NUGGC: variants seen among roughly 807,000 people sequenced by gnomAD.
The protein encoded by NUGGC is nuclear GTPase SLIP-GC.
A neutral mutation model predicts 92.6 loss-of-function variants in NUGGC; 58 were observed. The observed-to-expected ratio is 0.63, with a 90% CI of 0.51 to 0.78. The LOEUF is 0.78. NUGGC is among the 30% of genes least tolerant of loss of function. The pLI is 0.00. For synonymous variants in NUGGC, 376 were observed against 366.4 expected, an observed-to-expected ratio of 1.03 and a Z score of -0.30; for missense variants, 925 against 964.6, an observed-to-expected ratio of 0.96 and a Z score of 0.54.
At position 28,067,654 on chromosome 8, in the gene NUGGC, C is replaced by A; in HGVS notation, c.571G>T (p.Glu191Ter). ...REEADAWNRD[E>*]AVEEATWKLQ... ...TTCCAGGTGGCTTCCTCCACTGCCTCATCCCTGTTCCACGCATCTGCCTCT... is the reference window on the plus strand; with the variant it reads ...TTCCAGGTGGCTTCCTCCACTGCCTAATCCCTGTTCCACGCATCTGCCTCT... Residue 191 changes from glutamate to a stop codon, truncating the protein, a stop_gained, in exon 6 of 19, where the codon GAG becomes TAG. Transcript: ENST00000413272. LOFTEE classifies it high-confidence loss of function. 6.2e-7 allele frequency: 1 copy of A among 1,614,024 alleles called. No homozygotes were observed. The highest frequency in any genetic ancestry group is 8.5e-7 in the Non-Finnish European group (1 of 1,179,850).
At chr8:28,032,167 C>T (rs1022360123) in intron 14 of NUGGC, among the ~76,000 whole-genome samples, 7 of 151,996 alleles carry the variant, frequency 4.6e-5, no homozygotes, top group South Asian at 2.1e-4. Flanking sequence ...GTCTTGAACG[C>T]GTTCTAAGGG....
chr8:28,068,725 A>G lies in NUGGC; in HGVS notation c.258-287T>C, dbSNP rs150973211. Among the ~76,000 whole-genome samples, 102 of 152,150 alleles carry G rather than the reference A, an allele frequency of 6.7e-4. 3 individuals carry two copies. The East Asian group carries it at 0.017, about 26-fold the overall frequency. ...TTTATTTGTATTCACTGGAAATTGC[A>G]TATTCTTTTTTTTGTTTGTTTATGT... On this transcript the variant is annotated intron_variant, in intron 4 of 18. Transcript: ENST00000413272.
chr8:28,060,639 T>C, intron 7 of NUGGC, 38 bp from the exon 8 acceptor site: 3 of 1,580,568 alleles, frequency 1.9e-6, no homozygotes, highest in Non-Finnish European at 2.6e-6. Context: ...AGCACAGGAA[T>C]GGAGTCACAG....
intron 6 of NUGGC, 111 bp from the exon 7 acceptor site, chr8:28,064,842 C>T (rs754458136): frequency 1.5e-5 from 13 of 859,646 alleles, no homozygotes; most frequent in Admixed American, 1.1e-4. Context: ...GTAAGAAGTG[C>T]GTCCAACAGG....
intron 3 of NUGGC, 122 bp downstream of exon 3, chr8:28,070,130 C>T: frequency 2.1e-6 from 3 of 1,448,966 alleles, no homozygotes; most frequent in Non-Finnish European, 1.8e-6. Flanking sequence ...CCCTCTCTTT[C>T]CAAAACAGGT....
Position 28,045,671 on chromosome 8 carries a change from C to T in NUGGC, c.1313-11G>A, listed in dbSNP as rs755501609. 4 of 1,606,904 alleles carry T rather than the reference C, an allele frequency of 2.5e-6. No individual in the cohort carries two copies. Among genetic ancestry groups the T allele is most frequent in the Admixed American group, 1.7e-5 (1 of 58,544 alleles). ...TTAACTTAGGGATTTCTGGAATTCA[C>T]AGGCAGCACAAATAATTGTTAAAGG... On this transcript the variant is annotated splice_polypyrimidine_tract_variant and intron_variant, in intron 11 of 18. Transcript: ENST00000413272.
chr8:28,057,330 CT>C (rs57167648), intron 9 of NUGGC, among the ~76,000 whole-genome samples: 2,802 of 124,002 alleles, frequency 0.023, 35 homozygotes, highest in South Asian at 0.065. Flanking sequence ...ATTTTCTTTC[CT>C]TTTTTTTTTT....
intron 2 of NUGGC, among the ~76,000 whole-genome samples, chr8:28,073,960 G>A (rs957396502): frequency 4.6e-5 from 7 of 151,928 alleles, no homozygotes; most frequent in African/African-American, 1.7e-4. Context: ...CACCACACCC[G>A]GCTAATTTTT....
chr8:28,054,075 G>A (rs1166206217), intron 10 of NUGGC, among the ~76,000 whole-genome samples: 14 of 152,180 alleles, frequency 9.2e-5, no homozygotes, highest in African/African-American at 3.4e-4. Context: ...CAATACCGAA[G>A]ATTTTGTTTC....
At position 28,077,742 on chromosome 8, in the gene NUGGC, G is replaced by A. The variant is rs147917517; in HGVS notation, c.-46-3286C>T. The stretch of plus-strand genomic sequence containing the variant: ...ACAACCAGTGAACAAATCCATGGTC[G>A]ACCTCCAGGACAGCTGGTGTGCTGG... On this transcript the variant is annotated intron_variant, in intron 1 of 18. Coordinates refer to ENST00000413272, the MANE Select transcript of NUGGC (RefSeq NM_001010906.2). Among the ~76,000 whole-genome samples the A allele has an allele frequency of 2.7e-3, 414 of 152,270 alleles. 2 individuals carry two copies. Among genetic ancestry groups the A allele is most frequent in the African/African-American group, 9.5e-3 (396 of 41,554 alleles).
chr8:28,025,887 C>G (rs561627085), intron 18 of NUGGC, among the ~76,000 whole-genome samples: 2 of 152,192 alleles, frequency 1.3e-5, no homozygotes, highest in African/African-American at 4.8e-5. Flanking sequence ...GGCTCCCACC[C>G]TCTCCTACCC....
chr8:28,053,012 C>T (rs946388325), intron 10 of NUGGC, among the ~76,000 whole-genome samples: 3 of 151,850 alleles, frequency 2.0e-5, no homozygotes, highest in Non-Finnish European at 2.9e-5. Context: ...GAAAGGGAGA[C>T]ATCCACATGT....
At chr8:28,068,084 G>A in intron 5 of NUGGC, 132 bp downstream of exon 5, 2 of 619,418 alleles carry the variant, frequency 3.2e-6, no homozygotes, top group Non-Finnish European at 5.7e-6. Context: ...AGGAAGAGAA[G>A]GAAGAAGGAA....
chr8:28,023,293 T>C lies in NUGGC; in HGVS notation c.*24A>G. ...TCTCTGGCTCTGGGCTGATTTTTCATCCATTGGGACTAAGCCCCAGGAGTT... is the reference window on the plus strand; with the variant it reads ...TCTCTGGCTCTGGGCTGATTTTTCACCCATTGGGACTAAGCCCCAGGAGTT... On this transcript the variant is annotated 3_prime_UTR_variant, in exon 19 of 19. Transcript: ENST00000413272. 6.2e-7 allele frequency: 1 copy of C among 1,600,740 alleles called. No individual in the cohort carries two copies. Among genetic ancestry groups the C allele is most frequent in the Non-Finnish European group, 8.5e-7 (1 of 1,174,074 alleles).
chr8:28,042,588 G>A (rs1410241653), intron 12 of NUGGC, among the ~76,000 whole-genome samples: 3 of 152,260 alleles, frequency 2.0e-5, no homozygotes, highest in African/African-American at 7.2e-5. Flanking sequence ...TGCTCCCACT[G>A]CACTTCCCAC....
chr8:28,031,389 AG>A lies in NUGGC; in HGVS notation c.1770-9del. On this transcript the variant is annotated splice_polypyrimidine_tract_variant and intron_variant, in intron 14 of 18. Transcript: ENST00000413272. The stretch of plus-strand genomic sequence containing the variant: ...CCAGTGGGCTTCCCCGTCCTACGGA[AG>A]AAAGTGACAAAAAAGTTTAAGAGAA... The A allele has an allele frequency of 6.2e-7, 1 of 1,611,976 alleles. No individual in the cohort carries two copies. Among genetic ancestry groups the A allele is most frequent in the Non-Finnish European group, 8.5e-7 (1 of 1,178,728 alleles).
rs552507088 is a variant in NUGGC, at chr8:28,077,015, C to T, written c.-46-2559G>A. Among the ~76,000 whole-genome samples, 499 of 152,182 alleles carry T rather than the reference C, an allele frequency of 3.3e-3. 2 individuals carry two copies. The highest frequency in any genetic ancestry group is 0.011 in the African/African-American group (468 of 41,524). On this transcript the variant is annotated intron_variant, in intron 1 of 18. Transcript: ENST00000413272. ...CTATATTGATATGACCACCTAATAA[C>T]GACATTGAGATAGATAAATTTTAAG...
At chr8:28,033,097 C>G (rs1330285107) in intron 14 of NUGGC, among the ~76,000 whole-genome samples, 1 of 152,068 alleles carries the variant, frequency 6.6e-6, no homozygotes, top group Admixed American at 6.6e-5. Context: ...GAGTTTGAGG[C>G]TGCAGTGAGC....
intron 8 of NUGGC, among the ~76,000 whole-genome samples, chr8:28,059,395 C>T (rs1443331054): frequency 1.3e-5 from 2 of 152,190 alleles, no homozygotes; most frequent in African/African-American, 4.8e-5. Flanking sequence ...ACAGAGCTCT[C>T]CATAGAAATC....
Sources: allele counts gnomAD v4.1 joint callset (sites outside exome capture counted in the v4.1 genomes callset), GRCh38; gene constraint gnomAD v4.1.1; transcripts MANE v1.5; gene names NCBI Gene and HGNC (gene_info 2026-07-23, HGNC 2026-07-21).